NALF1: variants seen among roughly 807,000 people sequenced by gnomAD.
NALF1 encodes family with sequence similarity 155 member A.
NALF1 carries 3 observed loss-of-function variants against 48.4 expected under a neutral mutation model. The observed-to-expected ratio is 0.06, with a 90% CI of 0.03 to 0.16. The LOEUF is 0.16. Among genes scored for constraint, NALF1 ranks in the 10% least tolerant of loss-of-function variants. The pLI is 1.00. For missense variants in NALF1, 526 were observed against 571.5 expected (o/e 0.92, Z 0.81); for synonymous variants, 262 against 245.7 (o/e 1.07, Z -0.62).
intron 1 of NALF1, among the ~76,000 whole-genome samples, chr13:107,555,877 A>G (rs1273904001): frequency 1.3e-5 from 2 of 152,114 alleles, no homozygotes; most frequent in Non-Finnish European, 2.9e-5. Flanking sequence ...AAAAATCAAT[A>G]CCCAGCAAAA....
At chr13:107,526,787 A>G (rs1005016388) in intron 1 of NALF1, among the ~76,000 whole-genome samples, 1 of 152,286 alleles carries the variant, frequency 6.6e-6, no homozygotes, top group East Asian at 1.9e-4. Context: ...AAATCAGTGA[A>G]AATCTATCCA....
chr13:107,830,911 T>G (rs1879700739), intron 1 of NALF1, among the ~76,000 whole-genome samples: 1 of 152,232 alleles, frequency 6.6e-6, no homozygotes, highest in Admixed American at 6.5e-5. Context: ...TTATCTCAGA[T>G]AATCCCATGT....
At chr13:107,786,818 A>C (rs758843542) in intron 1 of NALF1, among the ~76,000 whole-genome samples, 48 of 152,310 alleles carry the variant, frequency 3.2e-4, no homozygotes, top group Middle Eastern at 6.8e-3. Flanking sequence ...CTTCCAAGGC[A>C]ATCACTTTTC....
chr13:107,368,128 A>C (rs113924456), intron 1 of NALF1, among the ~76,000 whole-genome samples: 38 of 152,284 alleles, frequency 2.5e-4, no homozygotes, highest in African/African-American at 9.1e-4. Flanking sequence ...TCTTAGAAAA[A>C]TTCATGAGTC....
chr13:107,493,952 T>A (rs2139071883), intron 1 of NALF1, among the ~76,000 whole-genome samples: 1 of 152,250 alleles, frequency 6.6e-6, no homozygotes, highest in African/African-American at 2.4e-5. Flanking sequence ...ATATATCCAT[T>A]AGAGAAAACG....
At chr13:107,408,299 C>A (rs1883933866) in intron 1 of NALF1, among the ~76,000 whole-genome samples, 1 of 151,902 alleles carries the variant, frequency 6.6e-6, no homozygotes, top group African/African-American at 2.4e-5. Flanking sequence ...TATTTGTAAT[C>A]CAAAGGACAA....
At chr13:107,528,241 C>T (rs894385541) in intron 1 of NALF1, among the ~76,000 whole-genome samples, 3 of 151,902 alleles carry the variant, frequency 2.0e-5, no homozygotes, top group Admixed American at 1.3e-4. Context: ...AATAGTTCCA[C>T]AATGGGGCCA....
rs1160384631 is a variant in NALF1 at position 107,456,036 on chromosome 13, C to A, written c.916-245281G>T. Among the ~76,000 whole-genome samples, 4 of 152,074 alleles carry A rather than the reference C, an allele frequency of 2.6e-5. No homozygotes were observed. In the East Asian group the frequency reaches 5.8e-4, roughly 22 times the overall value. On this transcript the variant is annotated intron_variant, in intron 1 of 2. Transcript: ENST00000375915. ...AGTTTTAAACCCATTTGTGTACATACCCAGAAGAACAACTGCTAGATTGTA... is the reference window on the plus strand; with the variant it reads ...AGTTTTAAACCCATTTGTGTACATAACCAGAAGAACAACTGCTAGATTGTA...
chr13:107,638,185 A>ATT (rs1283661424), intron 1 of NALF1, among the ~76,000 whole-genome samples: 148 of 119,096 alleles, frequency 1.2e-3, no homozygotes, highest in African/African-American at 3.7e-3. Flanking sequence ...CTATATAAAG[A>ATT]TTTATATATA....
chr13:107,350,562 G>C (rs372922425), intron 1 of NALF1, among the ~76,000 whole-genome samples: 1 of 152,154 alleles, frequency 6.6e-6, no homozygotes, highest in African/African-American at 2.4e-5. Context: ...ATCCTACTAC[G>C]TGATAGAGAA....
chr13:107,528,576 T>G (rs754361991), intron 1 of NALF1, among the ~76,000 whole-genome samples: 13 of 152,094 alleles, frequency 8.5e-5, no homozygotes, highest in Non-Finnish European at 1.5e-4. Context: ...TTCAAAGGTG[T>G]CAAGCATCCG....
At chr13:107,274,348 A>G (rs1327531419) in intron 1 of NALF1, among the ~76,000 whole-genome samples, 2 of 152,120 alleles carry the variant, frequency 1.3e-5, no homozygotes, top group Admixed American at 6.5e-5. Context: ...AGGCAGGAGG[A>G]TCACTTGAGG....
chr13:107,252,035 C>A (rs778466855), intron 1 of NALF1, among the ~76,000 whole-genome samples: 36 of 152,216 alleles, frequency 2.4e-4, no homozygotes, highest in South Asian at 2.1e-4. Context: ...CAGAGGGGGA[C>A]TCTGGCAGTG....
chr13:107,708,269 T>C (rs1875462626), intron 1 of NALF1, among the ~76,000 whole-genome samples: 1 of 152,172 alleles, frequency 6.6e-6, no homozygotes, highest in African/African-American at 2.4e-5. Flanking sequence ...ACTGTCCCTT[T>C]AAGTCACCAA....
chr13:107,539,270 G>A (rs1300933063), intron 1 of NALF1, among the ~76,000 whole-genome samples: 3 of 151,960 alleles, frequency 2.0e-5, no homozygotes, highest in Admixed American at 6.6e-5. Context: ...TCCCATGACA[G>A]AAGGATGGAA....
chr13:107,725,368 A>G (rs572803714), intron 1 of NALF1, among the ~76,000 whole-genome samples: 1 of 152,322 alleles, frequency 6.6e-6, no homozygotes, highest in African/African-American at 2.4e-5. Context: ...AGGGAAAAAA[A>G]TGTAATTTTT....
At chr13:107,518,542 A>G (rs9587397) in intron 1 of NALF1, among the ~76,000 whole-genome samples, 97,817 of 151,960 alleles carry the variant, frequency 0.64, 33,804 homozygotes, top group Middle Eastern at 0.81. Flanking sequence ...TGGTTGTGTT[A>G]TGTGTCAGTC....
chr13:107,442,952 GT>G (rs1566344432), intron 1 of NALF1, among the ~76,000 whole-genome samples: 2 of 152,034 alleles, frequency 1.3e-5, no homozygotes, highest in African/African-American at 2.4e-5. Flanking sequence ...TAGAACAACA[GT>G]TTATTGGAGT....
chr13:107,649,097 A>T (rs760567462), intron 1 of NALF1, among the ~76,000 whole-genome samples: 3 of 152,180 alleles, frequency 2.0e-5, no homozygotes, highest in Non-Finnish European at 4.4e-5. Context: ...TATCAGACAT[A>T]TGTTTTGTAA....
Sources: gnomAD v4.1 joint callset for allele counts (sites outside exome capture counted in the v4.1 genomes callset) on GRCh38, gnomAD v4.1.1 for gene constraint, MANE v1.5 for transcripts, NCBI Gene and HGNC (gene_info 2026-07-23, HGNC 2026-07-21) for gene names.